The following STARD9 variants were observed in gnomAD, a reference collection of about 807,000 sequenced individuals.
STARD9 encodes the protein StAR related lipid transfer domain containing 9, also known as stAR-related lipid transfer protein 9.
In STARD9, 346 loss-of-function variants were observed where a neutral mutation model predicts 399.8. That is an observed-to-expected ratio of 0.87 (90% confidence interval 0.79 to 0.95). STARD9 has a LOEUF of 0.95. STARD9 is among the 40% of genes least tolerant of loss of function. STARD9 has a pLI of 0.00. For synonymous variants in STARD9, 2,203 were observed against 2,143.5 expected, an observed-to-expected ratio of 1.03 and a Z score of -0.77; for missense variants, 5,832 against 5,667.5, an observed-to-expected ratio of 1.03 and a Z score of -0.93.
At chr15:42,640,683 G>A (rs113815063) in intron 7 of STARD9, among the ~76,000 whole-genome samples, 2 of 151,878 alleles carry the variant, frequency 1.3e-5, no homozygotes, top group African/African-American at 2.4e-5. Flanking sequence ...TTAGCCGGGC[G>A]TGTGGCACAC....
At chr15:42,601,298 C>T (rs2058619175) in intron 3 of STARD9, among the ~76,000 whole-genome samples, 1 of 152,212 alleles carries the variant, frequency 6.6e-6, no homozygotes, top group Non-Finnish European at 1.5e-5. Flanking sequence ...TCTGATCTCT[C>T]TCTCTTTTCC....
In STARD9 at chr15:42,697,883, A is replaced by G. The variant is rs537124746; in HGVS notation, c.13284+2003A>G. Among the ~76,000 whole-genome samples the G allele has an allele frequency of 4.6e-4, 70 of 152,302 alleles. 1 individual carries two copies. In the East Asian group the frequency reaches 0.013, roughly 29 times the overall value. ...GGTACTCAACCTGTAAAAGGGATAC[A>G]GGGAAATACCCATCCCCGCCCTCAG... is the stretch of plus-strand genomic sequence containing the variant. On this transcript the variant is annotated intron_variant, in intron 26 of 32. Transcript: ENST00000290607.
At chr15:42,626,354 TTCCTCTTCCTCTTCTTCC>T (rs2059216176) in intron 3 of STARD9, among the ~76,000 whole-genome samples, 1 of 139,068 alleles carries the variant, frequency 7.2e-6, no homozygotes, top group African/African-American at 3.3e-5. Flanking sequence ...CTTCCTCTTC[TTCCTCTTCCTCTTCTTCC>T]TCCTCTTCCT....
At chr15:42,663,671 G>A (rs1441989378) in intron 12 of STARD9, 149 bp from the exon 13 acceptor site, 1 of 658,118 alleles carries the variant, frequency 1.5e-6, no homozygotes, top group Non-Finnish European at 2.6e-6. Context: ...GTTGGGACTG[G>A]TACTCTATCT....
chr15:42,602,767 A>G (rs1380672942), intron 3 of STARD9, among the ~76,000 whole-genome samples: 2 of 152,236 alleles, frequency 1.3e-5, no homozygotes, highest in African/African-American at 2.4e-5. Flanking sequence ...GCCAGCAATC[A>G]GCCTGATTGG....
intron 6 of STARD9, 58 bp from the exon 7 acceptor site, chr15:42,638,642 T>G: frequency 8.1e-7 from 1 of 1,229,278 alleles, no homozygotes; most frequent in Non-Finnish European, 1.1e-6. Context: ...TTTAGCTCAA[T>G]GTTGTTTCTA....
At chr15:42,657,741 C>T (rs1258694432) in intron 9 of STARD9, among the ~76,000 whole-genome samples, 1 of 152,112 alleles carries the variant, frequency 6.6e-6, no homozygotes, top group East Asian at 1.9e-4. Flanking sequence ...CTTCCTGAAG[C>T]TAAAGTAACC....
intron 3 of STARD9, among the ~76,000 whole-genome samples, chr15:42,613,602 C>T (rs551482565): frequency 2.3e-4 from 35 of 152,276 alleles, no homozygotes; most frequent in African/African-American, 7.7e-4. Flanking sequence ...AAATGTAAAG[C>T]ACTTATAATA....
intron 1 of STARD9, among the ~76,000 whole-genome samples, chr15:42,580,302 T>C (rs1487115194): frequency 1.3e-5 from 2 of 151,956 alleles, no homozygotes; most frequent in African/African-American, 4.8e-5. Flanking sequence ...TTTTTATCAT[T>C]CCCCCCTGCT....
intron 26 of STARD9, among the ~76,000 whole-genome samples, chr15:42,701,972 G>A (rs116232111): frequency 0.03 from 3,761 of 126,466 alleles, 148 homozygotes; most frequent in African/African-American, 0.098. Flanking sequence ...CAGTGCAGGT[G>A]ACAGTGTGAG....
chr15:42,652,396 T>C (rs1337094610), intron 8 of STARD9, 124 bp from the exon 9 acceptor site: 4 of 787,696 alleles, frequency 5.1e-6, no homozygotes, highest in South Asian at 4.8e-5. Flanking sequence ...GGACTAAATA[T>C]GTGTGTTTTA....
At chr15:42,580,920 A>G (rs537538760) in intron 1 of STARD9, among the ~76,000 whole-genome samples, 1 of 152,320 alleles carries the variant, frequency 6.6e-6, no homozygotes, top group South Asian at 2.1e-4. Context: ...TTAACTGGGA[A>G]GGGGGACAGG....
chr15:42,682,523 A>G lies in STARD9; in HGVS notation c.2485A>G (p.Ser829Gly), dbSNP rs1310052096. 1.2e-5 allele frequency: 19 copies of G among 1,537,116 alleles called. No homozygotes were observed. Among genetic ancestry groups the G allele is most frequent in the Admixed American group, 2.0e-5 (1 of 50,972 alleles). ...ATGTAGAAGCAAATTGACGAGTTGCAGTTCTTTGAGCCCCCAAAGACTCTG... is the reference window on the plus strand; with the variant it reads ...ATGTAGAAGCAAATTGACGAGTTGCGGTTCTTTGAGCCCCCAAAGACTCTG... ...PPCRSKLTSC[S>G]SLSPQRLCSK... is the part of the protein sequence containing the mutation. Residue 829 changes from serine to glycine, a missense_variant, in exon 22 of 33, where the codon AGT becomes GGT. By Grantham distance (56) the Ser-to-Gly change is moderately conservative (BLOSUM62 0). Around this residue, in one of 2 missense-constraint regions of STARD9, gnomAD observed 5,828 missense variants for 5,651.1 expected, o/e 1.03. Transcript: ENST00000290607.
chr15:42,679,536 T>C (rs1253915762), intron 20 of STARD9, among the ~76,000 whole-genome samples: 3 of 152,178 alleles, frequency 2.0e-5, no homozygotes, highest in Non-Finnish European at 2.9e-5. Context: ...CAGCTCCCAC[T>C]CCCATTCCCC....
chr15:42,700,656 C>T (rs1477284195), intron 26 of STARD9, among the ~76,000 whole-genome samples: 1 of 152,000 alleles, frequency 6.6e-6, no homozygotes, highest in Admixed American at 6.6e-5. Flanking sequence ...ATTTGAATTC[C>T]TTATGTATTC....
chr15:42,604,343 T>G (rs1436683771), intron 3 of STARD9, among the ~76,000 whole-genome samples: 1 of 152,234 alleles, frequency 6.6e-6, no homozygotes, highest in Non-Finnish European at 1.5e-5. Context: ...AATATGTGAT[T>G]ATTCTACCTC....
chr15:42,637,777 C>T (rs1214044858), intron 4 of STARD9, 130 bp from the exon 5 acceptor site: 1 of 908,310 alleles, frequency 1.1e-6, no homozygotes, highest in Non-Finnish European at 1.7e-6. Flanking sequence ...GTGAAACTGC[C>T]TGGAGTGAAG....
intron 1 of STARD9, among the ~76,000 whole-genome samples, chr15:42,579,901 A>C (rs952024879): frequency 2.6e-5 from 4 of 152,152 alleles, no homozygotes; most frequent in Admixed American, 6.6e-5. Flanking sequence ...CAATACTATG[A>C]TCAGGCGTTA....
intron 18 of STARD9, 70 bp downstream of exon 18, chr15:42,675,034 G>A: frequency 7.1e-7 from 1 of 1,402,704 alleles, no homozygotes; most frequent in South Asian, 1.6e-5. Context: ...TGGGCCCAAA[G>A]AGCTCAGTGA....
Sources: gnomAD v4.1 joint callset for allele counts (sites outside exome capture counted in the v4.1 genomes callset) on GRCh38, gnomAD v4.1.1 for gene constraint, gnomAD v4.1.1 regional missense constraint, MANE v1.5 for transcripts, NCBI Gene and HGNC (gene_info 2026-07-23, HGNC 2026-07-21) for gene names.